Variants in SKIC2 observed in about 807,000 individuals in gnomAD.
SKIC2 encodes superkiller complex protein 2.
At chr6:31,965,973 G>A in the SKIC2 span, 1 of 1,609,792 alleles carries the variant, frequency 6.2e-7, no homozygotes, top group Non-Finnish European at 8.5e-7. The surrounding 1 kb of genome is among the most constrained non-coding windows in gnomAD (Gnocchi z 5.6). Flanking sequence ...CTCTGCAAGG[G>A]CCGAGTGCCC....
chr6:31,963,002 G>C, the SKIC2 span: 1 of 1,612,052 alleles, frequency 6.2e-7, no homozygotes, highest in Non-Finnish European at 8.5e-7. The surrounding 1 kb of genome is among the most constrained non-coding windows in gnomAD (Gnocchi z 5.3). Flanking sequence ...TCGTGTGGGA[G>C]GAGGTGCTTA....
the SKIC2 span, chr6:31,962,130 C>T: frequency 2.1e-6 from 3 of 1,430,752 alleles, no homozygotes; most frequent in Non-Finnish European, 2.9e-6. The surrounding 1 kb of genome is among the most constrained non-coding windows in gnomAD (Gnocchi z 5.0). Flanking sequence ...AATCTCATCT[C>T]TTCCCCCACC....
chr6:31,967,663 T>G, the SKIC2 span: 1 of 1,598,120 alleles, frequency 6.3e-7, no homozygotes, highest in Non-Finnish European at 8.5e-7. This position sits in a 1 kb window ranked among gnomAD's most constrained non-coding sequence, Gnocchi z 4.9. Flanking sequence ...GTCTCTGCCT[T>G]TGATGTCTAC....
chr6:31,967,796 G>T, the SKIC2 span: 1 of 1,613,028 alleles, frequency 6.2e-7, no homozygotes, highest in Non-Finnish European at 8.5e-7. This position sits in a 1 kb window ranked among gnomAD's most constrained non-coding sequence, Gnocchi z 4.9. Context: ...ACAGGACAGG[G>T]GGCCAGCCAC....
the SKIC2 span, chr6:31,964,013 C>T: frequency 1.2e-6 from 2 of 1,612,660 alleles, no homozygotes; most frequent in Non-Finnish European, 1.7e-6. This position sits in a 1 kb window ranked among gnomAD's most constrained non-coding sequence, Gnocchi z 5.0. Context: ...GATGAGCAGG[C>T]CTCAGGCCTC....
At chr6:31,966,116 G>A in the SKIC2 span, 9 of 803,126 alleles carry the variant, frequency 1.1e-5, no homozygotes, top group Non-Finnish European at 1.5e-5. The surrounding 1 kb of genome is among the most constrained non-coding windows in gnomAD (Gnocchi z 5.9). Context: ...TTTTTTTGGA[G>A]ACAGGGTCTT....
the SKIC2 span, chr6:31,968,430 C>T: frequency 1.2e-6 from 2 of 1,612,960 alleles, no homozygotes; most frequent in South Asian, 2.2e-5. The surrounding 1 kb of genome is among the most constrained non-coding windows in gnomAD (Gnocchi z 6.1). Context: ...CTGTCAATGA[C>T]CTGCAGCTCA....
the SKIC2 span, chr6:31,967,849 G>C: frequency 6.2e-7 from 1 of 1,612,966 alleles, no homozygotes; most frequent in Non-Finnish European, 8.5e-7. The surrounding 1 kb of genome is among the most constrained non-coding windows in gnomAD (Gnocchi z 4.9). Flanking sequence ...GATTCAAGCT[G>C]TTCCTGCCTG....
chr6:31,961,332 T>C, the SKIC2 span: 1 of 1,589,342 alleles, frequency 6.3e-7, no homozygotes, highest in Non-Finnish European at 8.5e-7. Context: ...TTTCAGCCTC[T>C]CCCTGCAGTG....
the SKIC2 span, chr6:31,963,385 C>T: frequency 2.0e-6 from 3 of 1,521,976 alleles, no homozygotes; most frequent in Non-Finnish European, 2.6e-6. The surrounding 1 kb of genome is among the most constrained non-coding windows in gnomAD (Gnocchi z 5.3). Flanking sequence ...GTTCCCACCC[C>T]TGACCTGCTT....
At chr6:31,960,321 T>C in the SKIC2 span, 2 of 1,613,428 alleles carry the variant, frequency 1.2e-6, no homozygotes, top group South Asian at 2.2e-5. Flanking sequence ...ACAGGCCAGA[T>C]ACTGGGTTAC....
At chr6:31,962,701 C>T in the SKIC2 span, 4 of 1,611,876 alleles carry the variant, frequency 2.5e-6, no homozygotes, top group African/African-American at 1.3e-5. The surrounding 1 kb of genome is among the most constrained non-coding windows in gnomAD (Gnocchi z 5.0). Flanking sequence ...AATCCTTGGC[C>T]TCTTCTCCCC....
chr6:31,960,549 G>GA, the SKIC2 span: 1 of 1,606,196 alleles, frequency 6.2e-7, no homozygotes, highest in South Asian at 1.1e-5. Context: ...CTGGCCAGGT[G>GA]ACTCTTGTGG....
chr6:31,960,821 T>C, the SKIC2 span: 3 of 1,136,394 alleles, frequency 2.6e-6, no homozygotes, highest in East Asian at 2.4e-5. Flanking sequence ...TCCCATGTTT[T>C]TGAGAAAATT....
the SKIC2 span, chr6:31,962,071 C>T: frequency 1.9e-6 from 3 of 1,610,712 alleles, no homozygotes; most frequent in Non-Finnish European, 2.5e-6. This position sits in a 1 kb window ranked among gnomAD's most constrained non-coding sequence, Gnocchi z 5.0. Context: ...GTTCCTTTGC[C>T]AACCTCCCCC....
At chr6:31,967,514 C>G in the SKIC2 span, 1 of 788,362 alleles carries the variant, frequency 1.3e-6, no homozygotes, top group Non-Finnish European at 2.1e-6. This position sits in a 1 kb window ranked among gnomAD's most constrained non-coding sequence, Gnocchi z 4.9. Flanking sequence ...CACCCTCTCC[C>G]TTCCCATCAC....
At chr6:31,961,744 C>A in the SKIC2 span, 1 of 1,576,634 alleles carries the variant, frequency 6.3e-7, no homozygotes, top group South Asian at 1.1e-5. Context: ...GACCCCTTGT[C>A]TCCTCTATTG....
chr6:31,960,354 C>T, the SKIC2 span: 3 of 1,605,694 alleles, frequency 1.9e-6, no homozygotes, highest in Non-Finnish European at 2.6e-6. Context: ...GGTCAGGGGT[C>T]ATGAGAAACA....
chr6:31,968,150 G>C, the SKIC2 span: 1 of 1,596,962 alleles, frequency 6.3e-7, no homozygotes, highest in Non-Finnish European at 8.6e-7. This position sits in a 1 kb window ranked among gnomAD's most constrained non-coding sequence, Gnocchi z 6.1. Flanking sequence ...GCAGTGGTCT[G>C]GGAGTTTCCT....
Sources: gnomAD v4.1 joint callset for allele counts on GRCh38, gnomAD v4.1.1 for gene constraint, Gnocchi (gnomAD v3.1) non-coding constraint, MANE v1.5 for transcripts, NCBI Gene and HGNC (gene_info 2026-07-23, HGNC 2026-07-21) for gene names.